ZNF385D: variants seen among roughly 807,000 people sequenced by gnomAD.
ZNF385D encodes zinc finger protein 659.
In ZNF385D, 15 loss-of-function variants were observed where a neutral mutation model predicts 35.8. The observed-to-expected ratio is 0.42, with a 90% CI of 0.28 to 0.64. The LOEUF (loss-of-function observed/expected upper bound fraction) is 0.64, where lower values mean the gene tolerates loss of function less well. Ranked by LOEUF, ZNF385D falls within the 30% of genes least tolerant of loss-of-function variation. ZNF385D has a pLI of 0.23. For synonymous variants in ZNF385D, 212 were observed against 186.8 expected, an observed-to-expected ratio of 1.13 and a Z score of -1.10; for missense variants, 474 against 494.6, an observed-to-expected ratio of 0.96 and a Z score of 0.39.
chr3:22,206,648 GA>G (rs1697176152), intron 2 of ZNF385D, among the ~76,000 whole-genome samples: 1 of 151,684 alleles, frequency 6.6e-6, no homozygotes, highest in Non-Finnish European at 1.5e-5. Flanking sequence ...ACAAATGAGT[GA>G]AAATTAAACA....
At chr3:21,628,000 CT>C (rs1207419462) in intron 2 of ZNF385D, among the ~76,000 whole-genome samples, 1 of 152,042 alleles carries the variant, frequency 6.6e-6, no homozygotes, top group East Asian at 1.9e-4. Context: ...TATTAATAAT[CT>C]TTTGTCTGAG....
intron 2 of ZNF385D, among the ~76,000 whole-genome samples, chr3:22,288,028 A>C (rs1406666326): frequency 1.3e-5 from 2 of 152,036 alleles, no homozygotes; most frequent in African/African-American, 4.8e-5. Flanking sequence ...CTGGCATATT[A>C]ATCTTGACAG....
chr3:22,122,435 A>AAATGAAAT (rs1703139889), intron 3 of ZNF385D, among the ~76,000 whole-genome samples: 1 of 152,180 alleles, frequency 6.6e-6, no homozygotes, highest in African/African-American at 2.4e-5. Context: ...TAAGTATATC[A>AAATGAAAT]AATGAAATAT....
intron 3 of ZNF385D, among the ~76,000 whole-genome samples, chr3:21,972,785 C>G (rs1703345226): frequency 6.6e-6 from 1 of 151,810 alleles, no homozygotes; most frequent in South Asian, 2.1e-4. Flanking sequence ...TGACTAGAGG[C>G]TACTCTGAGC....
At chr3:21,920,813 C>T (rs1700421076) in intron 3 of ZNF385D, among the ~76,000 whole-genome samples, 1 of 152,106 alleles carries the variant, frequency 6.6e-6, no homozygotes, top group Admixed American at 6.6e-5. Context: ...GTTATGACAA[C>T]AATCTTGCAG....
chr3:21,900,770 G>T (rs1699366620), intron 3 of ZNF385D, among the ~76,000 whole-genome samples: 1 of 152,170 alleles, frequency 6.6e-6, no homozygotes, highest in Non-Finnish European at 1.5e-5. Context: ...ATTGTGATTT[G>T]TTCAGTAGGT....
chr3:21,706,522 G>A (rs2125399809), intron 1 of ZNF385D, among the ~76,000 whole-genome samples: 1 of 152,284 alleles, frequency 6.6e-6, no homozygotes, highest in Middle Eastern at 3.4e-3. Context: ...TTCCTAAGTT[G>A]TAGCTGGCCC....
chr3:22,226,912 C>A (rs564601910), intron 2 of ZNF385D, among the ~76,000 whole-genome samples: 4 of 152,158 alleles, frequency 2.6e-5, no homozygotes, highest in Admixed American at 1.3e-4. Flanking sequence ...TGAATCATAT[C>A]ATTGAGTTCA....
chr3:21,832,361 T>C (rs1695049101), intron 3 of ZNF385D, among the ~76,000 whole-genome samples: 1 of 152,302 alleles, frequency 6.6e-6, no homozygotes, highest in African/African-American at 2.4e-5. Context: ...GTGTTAAAGG[T>C]TTGTAATAAA....
chr3:22,028,743 G>A (rs565574863), intron 3 of ZNF385D, among the ~76,000 whole-genome samples: 3 of 152,156 alleles, frequency 2.0e-5, no homozygotes, highest in Non-Finnish European at 4.4e-5. Flanking sequence ...AAAGAAGTGT[G>A]GCAGTGGGCT....
chr3:22,240,701 C>T (rs952089582), intron 2 of ZNF385D, among the ~76,000 whole-genome samples: 2 of 150,922 alleles, frequency 1.3e-5, no homozygotes, highest in African/African-American at 4.9e-5. Flanking sequence ...CCTTGTCAGG[C>T]AAAGGATGTT....
intron 2 of ZNF385D, among the ~76,000 whole-genome samples, chr3:22,315,675 G>A (rs1442602946): frequency 1.3e-5 from 2 of 152,192 alleles, no homozygotes; most frequent in Non-Finnish European, 2.9e-5. Context: ...GATTATGACT[G>A]CGACAGAAGT....
At chr3:22,083,692 G>C (rs1256831084) in intron 3 of ZNF385D, among the ~76,000 whole-genome samples, 2 of 152,170 alleles carry the variant, frequency 1.3e-5, no homozygotes. Flanking sequence ...CCCCAACCTA[G>C]CAAGGCAGGC....
At chr3:21,953,992 A>G (rs1360393401) in intron 3 of ZNF385D, among the ~76,000 whole-genome samples, 1 of 152,060 alleles carries the variant, frequency 6.6e-6, no homozygotes, top group Non-Finnish European at 1.5e-5. Context: ...TAAGCTGGAC[A>G]AAAGAGAAAA....
At chr3:21,507,241 T>C (rs1706838493) in intron 4 of ZNF385D, among the ~76,000 whole-genome samples, 1 of 152,156 alleles carries the variant, frequency 6.6e-6, no homozygotes, top group Non-Finnish European at 1.5e-5. Context: ...TTAAAGGCCA[T>C]ACCATTTCTT....
Position 22,280,339 on chromosome 3 carries a change from T to G in ZNF385D, c.106+92111A>C, listed in dbSNP as rs894203411. On this transcript the variant is annotated intron_variant, in intron 2 of 5. Coordinates refer to the ZNF385D transcript ENST00000494108. ...TGCTTTTGGGTTCTTGGTCACAAAG[T>G]CTTTGCCTAAGCCATTGTCTAGAAG... Among the ~76,000 whole-genome samples the G allele has an allele frequency of 3.9e-5, 6 of 151,974 alleles. No homozygotes were observed. The South Asian group carries it at 1.2e-3, about 31-fold the overall frequency.
At chr3:22,089,009 G>A (rs768597399) in intron 3 of ZNF385D, among the ~76,000 whole-genome samples, 5 of 152,034 alleles carry the variant, frequency 3.3e-5, no homozygotes, top group Admixed American at 3.3e-4. Context: ...CATTTACATC[G>A]TATTATTTTT....
intron 2 of ZNF385D, among the ~76,000 whole-genome samples, chr3:22,172,634 T>C (rs1268733971): frequency 6.6e-6 from 1 of 152,020 alleles, no homozygotes; most frequent in African/African-American, 2.4e-5. Flanking sequence ...TGTAACCTAA[T>C]TAAGAATCAA....
intron 2 of ZNF385D, among the ~76,000 whole-genome samples, chr3:21,573,724 AAAGAAAGTAGG>A (rs1460720566): frequency 2.2e-5 from 1 of 45,092 alleles, no homozygotes; most frequent in Non-Finnish European, 4.3e-5. Context: ...CCTAGTCAAC[AAAGAAAGTAGG>A]AAGTTAGAAT....
Sources: allele counts gnomAD v4.1 joint callset (sites outside exome capture counted in the v4.1 genomes callset), GRCh38; gene constraint gnomAD v4.1.1; transcripts MANE v1.5; gene names NCBI Gene and HGNC (gene_info 2026-07-23, HGNC 2026-07-21).